Variants in CCDC102B observed in about 807,000 individuals in gnomAD.
The protein encoded by CCDC102B is coiled-coil domain containing 102B, also known as coiled-coil domain-containing protein 102B.
In CCDC102B, 75 loss-of-function variants were observed where a neutral mutation model predicts 57.4. The ratio of observed to expected loss-of-function variants is 1.31; its 90% CI spans 1.08 to 1.58. The LOEUF (loss-of-function observed/expected upper bound fraction) is 1.58, where lower values mean the gene tolerates loss of function less well. CCDC102B is among the 40% of genes most tolerant of loss of function. CCDC102B has a pLI of 0.00. For synonymous variants in CCDC102B, 206 were observed against 201.9 expected, an observed-to-expected ratio of 1.02 and a Z score of -0.17; for missense variants, 636 against 582.6, an observed-to-expected ratio of 1.09 and a Z score of -0.94.
intron 6 of CCDC102B, among the ~76,000 whole-genome samples, chr18:68,981,634 G>A (rs991829380): frequency 9.2e-5 from 14 of 151,934 alleles, no homozygotes; most frequent in African/African-American, 3.1e-4. Flanking sequence ...AAAGCCCTTG[G>A]CCTCATGAAA....
At position 68,913,310 on chromosome 18, in the gene CCDC102B, CTGTGTG is replaced by C. The variant is rs57064090; in HGVS notation, c.1263+15911_1263+15916del. ...TAATTTTCCATTGGATGGTTAGTGT[CTGTGTG>C]TGTGTGTGTGTGTGTGTGTGTGTGT... On this transcript the variant is annotated intron_variant, in intron 6 of 7. Coordinates refer to ENST00000360242, the MANE Select transcript of CCDC102B (RefSeq NM_024781.3). Among the ~76,000 whole-genome samples, 414 of 135,592 alleles carry C rather than the reference CTGTGTG, an allele frequency of 3.1e-3. 2 individuals are homozygous for C. The highest frequency in any genetic ancestry group is 0.011 in the African/African-American group (385 of 35,800). The allele number at this position is 135,592 out of a possible 152,430, so 89.0% of individuals were successfully genotyped here. A position where few individuals can be genotyped will look rare whatever the true frequency, so the allele number is the denominator to read the frequency against.
chr18:69,013,039 A>G (rs2051561827), intron 7 of CCDC102B, among the ~76,000 whole-genome samples: 1 of 152,160 alleles, frequency 6.6e-6, no homozygotes, highest in Non-Finnish European at 1.5e-5. Context: ...AAGGAAAAAA[A>G]AAACATTATA....
chr18:68,867,829 C>G (rs571330012), intron 4 of CCDC102B, among the ~76,000 whole-genome samples: 236 of 151,514 alleles, frequency 1.6e-3, no homozygotes, highest in Non-Finnish European at 2.5e-3. Flanking sequence ...AGCTACTCGA[C>G]AGGCTGAGGC....
chr18:68,724,477 C>T (rs2032502807), intron 2 of CCDC102B, among the ~76,000 whole-genome samples: 1 of 152,138 alleles, frequency 6.6e-6, no homozygotes, highest in Admixed American at 6.5e-5. Flanking sequence ...GAAATTTCTT[C>T]CACCAGATAC....
intron 6 of CCDC102B, among the ~76,000 whole-genome samples, chr18:68,947,315 CTTAAAG>C (rs1261913416): frequency 1.3e-5 from 2 of 151,944 alleles, no homozygotes; most frequent in African/African-American, 4.8e-5. Context: ...AATGAAAATA[CTTAAAG>C]TTAGAGATTT....
At chr18:68,958,941 A>AT in intron 6 of CCDC102B, among the ~76,000 whole-genome samples, 1 of 152,278 alleles carries the variant, frequency 6.6e-6, no homozygotes, top group African/African-American at 2.4e-5. Flanking sequence ...ATTTGTCAAA[A>AT]TAACTATTTT....
chr18:68,989,625 G>A (rs650890), intron 6 of CCDC102B, among the ~76,000 whole-genome samples: 140,935 of 152,270 alleles, frequency 0.93, 65,556 homozygotes, highest in South Asian at 0.98. Context: ...GGGGGCCTGC[G>A]GGGAGGAAGG....
At chr18:68,850,368 T>C (rs777710557) in intron 4 of CCDC102B, among the ~76,000 whole-genome samples, 1 of 152,016 alleles carries the variant, frequency 6.6e-6, no homozygotes, top group Non-Finnish European at 1.5e-5. Context: ...TGGAAGGGTT[T>C]TTTTCTCCCC....
chr18:68,957,273 G>A (rs186423868), intron 6 of CCDC102B, among the ~76,000 whole-genome samples: 128 of 151,990 alleles, frequency 8.4e-4, no homozygotes, highest in Non-Finnish European at 1.5e-3. Flanking sequence ...TTATATTTAC[G>A]TCTTTAATGT....
chr18:68,784,868 GCA>G (rs2035138864), intron 2 of CCDC102B, among the ~76,000 whole-genome samples: 1 of 151,558 alleles, frequency 6.6e-6, no homozygotes, highest in Non-Finnish European at 1.5e-5. Context: ...GTGTACTTGT[GCA>G]CATTGTGCAG....
intron 5 of CCDC102B, among the ~76,000 whole-genome samples, chr18:68,889,285 T>A (rs973058102): frequency 2.0e-5 from 3 of 152,190 alleles, no homozygotes; most frequent in African/African-American, 4.8e-5. Flanking sequence ...GCTAGCTGGC[T>A]CCTTCCAACA....
Position 68,756,880 on chromosome 18 carries a change from GGTGT to G in CCDC102B, c.-67+40307_-67+40310del, listed in dbSNP as rs34070734. 3.8e-3 allele frequency among the ~76,000 whole-genome samples: 575 copies of G among 150,166 alleles called. 1 individual carries two copies. The highest frequency in any genetic ancestry group is 0.012 in the African/African-American group (509 of 40,946). On this transcript the variant is annotated intron_variant, in intron 2 of 3. Coordinates refer to the CCDC102B transcript ENST00000578970. ...ATTGATGGTTTGGAATGCTATATCT[GGTGT>G]GTGTGTGTGTGTGTGTGTGTCTGTG... is the stretch of plus-strand genomic sequence containing the variant.
chr18:68,746,617 A>G (rs1039753911), intron 2 of CCDC102B, among the ~76,000 whole-genome samples: 48 of 152,040 alleles, frequency 3.2e-4, no homozygotes, highest in African/African-American at 1.1e-3. Flanking sequence ...CAGGCAAAAA[A>G]TTTACTTCTA....
intron 6 of CCDC102B, among the ~76,000 whole-genome samples, chr18:68,915,680 G>T (rs770524384): frequency 6.6e-6 from 1 of 152,096 alleles, no homozygotes; most frequent in Non-Finnish European, 1.5e-5. Context: ...AGTCATTGAG[G>T]TTTTTGCCAT....
chr18:68,740,939 T>C (rs942560033), intron 2 of CCDC102B, among the ~76,000 whole-genome samples: 2 of 152,208 alleles, frequency 1.3e-5, no homozygotes, highest in Non-Finnish European at 2.9e-5. Context: ...AAATTGTTAT[T>C]TCTTGAATTT....
At chr18:68,916,651 A>T (rs2041083511) in intron 6 of CCDC102B, among the ~76,000 whole-genome samples, 1 of 152,224 alleles carries the variant, frequency 6.6e-6, no homozygotes, top group Non-Finnish European at 1.5e-5. Context: ...GGTTGGCAAG[A>T]TACACAATGT....
intron 7 of CCDC102B, among the ~76,000 whole-genome samples, chr18:69,019,516 C>A (rs1337734892): frequency 6.6e-6 from 1 of 151,634 alleles, no homozygotes; most frequent in Non-Finnish European, 1.5e-5. Context: ...TATTTAATTT[C>A]TTGTTCAGAT....
intron 2 of CCDC102B, among the ~76,000 whole-genome samples, chr18:68,781,772 A>T (rs993264704): frequency 6.6e-6 from 1 of 152,160 alleles, no homozygotes; most frequent in Non-Finnish European, 1.5e-5. Context: ...TAAATAGAAG[A>T]CAGAAAGATT....
chr18:68,804,864 CTT>C (rs202008892), intron 1 of CCDC102B, among the ~76,000 whole-genome samples: 26 of 140,780 alleles, frequency 1.8e-4, no homozygotes, highest in South Asian at 2.3e-4. Context: ...GGATCAAAAT[CTT>C]TTTTTTTTTT....
Sources: gnomAD v4.1 joint callset for allele counts (sites outside exome capture counted in the v4.1 genomes callset) on GRCh38, gnomAD v4.1.1 for gene constraint, MANE v1.5 for transcripts, NCBI Gene and HGNC (gene_info 2026-07-23, HGNC 2026-07-21) for gene names.